Variants in CDK5RAP3 observed in about 807,000 individuals in gnomAD.
The protein encoded by CDK5RAP3 is CDK5 regulatory subunit associated protein 3.
Under a neutral mutation model 73.3 loss-of-function variants are expected in CDK5RAP3, and 58 were observed. The ratio of observed to expected loss-of-function variants is 0.79; its 90% confidence interval spans 0.64 to 0.98. The LOEUF is 0.98. Ranked by LOEUF, CDK5RAP3 falls within the 50% of genes least tolerant of loss-of-function variation. CDK5RAP3 has a pLI of 0.00. For synonymous variants in CDK5RAP3, 224 were observed against 247.5 expected (o/e 0.91, Z 0.89); for missense variants, 525 against 615.8 (o/e 0.85, Z 1.56).
rs375039682 is a variant in CDK5RAP3 at position 47,976,007 on chromosome 17, A to G, written c.792A>G (p.Glu264=). 3 of 1,613,854 alleles carry G rather than the reference A, an allele frequency of 1.9e-6. No homozygotes were observed. The highest frequency in any genetic ancestry group is 1.3e-5 in the African/African-American group (1 of 75,048). ...HLEELPEQVA[E]DAIDWGDFGV... is the part of the protein sequence containing the mutation. ...AGGAGCTTCCTGAGCAGGTGGCAGA[A>G]GATGCGGTAAGATGGGCCTTGTGAT... The change falls in exon 8 of 14, where the codon GAA becomes GAG. Residue 264 remains glutamate (E), a synonymous_variant. Coordinates refer to ENST00000338399, the MANE Select transcript of CDK5RAP3 (RefSeq NM_176096.3).
intron 10 of CDK5RAP3, 96 bp from the exon 11 acceptor site, chr17:47,978,733 C>A: frequency 1.1e-6 from 1 of 911,650 alleles, no homozygotes; most frequent in Non-Finnish European, 1.8e-6. Context: ...CACAGTGAGT[C>A]TGTCCGTATT....
chr17:47,977,042 C>T (rs568360281), intron 9 of CDK5RAP3, among the ~76,000 whole-genome samples: 137 of 150,688 alleles, frequency 9.1e-4, no homozygotes, highest in Non-Finnish European at 1.5e-3. Flanking sequence ...GGTGCAATCT[C>T]GGCTCACTGC....
In CDK5RAP3 at chr17:47,980,864, C is replaced by T; in HGVS notation, c.1283+66C>T. 2.0e-6 allele frequency: 3 copies of T among 1,505,226 alleles called. No individual in the cohort carries two copies. In the East Asian group the frequency reaches 6.8e-5, roughly 34 times the overall value. 93.2% of individuals were successfully genotyped at this position (1,505,226 alleles called of 1,614,324 possible). A position where few individuals can be genotyped will look rare whatever the true frequency, so the allele number is the denominator to read the frequency against. On this transcript the variant is annotated intron_variant, in intron 12 of 13. Transcript: ENST00000338399. ...AGCTCTGCCTCCTTGTATTCCTCCT[C>T]TTGTTCCATGACCCCTTAAACCCCA...
intron 8 of CDK5RAP3, 167 bp from the exon 9 acceptor site, chr17:47,976,545 G>T: frequency 1.9e-6 from 1 of 527,566 alleles, no homozygotes; most frequent in East Asian, 3.5e-5. Flanking sequence ...TAACATCTTT[G>T]TAGGGACAGG....
upstream of CDK5RAP3, chr17:47,971,088 G>T (rs2036248192): frequency 6.4e-7 from 1 of 1,551,594 alleles, no homozygotes; most frequent in Non-Finnish European, 8.7e-7. Context: ...AACGCCACTG[G>T]ATTGGTGGTA....
upstream of CDK5RAP3, chr17:47,970,562 A>C (rs2036236690): frequency 9.4e-7 from 1 of 1,059,130 alleles, no homozygotes; most frequent in Non-Finnish European, 1.4e-6. Context: ...GGGACGTCTC[A>C]CCGACTCTCT....
Position 47,976,722 on chromosome 17 carries a change from G to C in CDK5RAP3, c.809G>C (p.Gly270Ala), listed in dbSNP as rs780936340. ...EQVAEDAIDW[G>A]DFGVEAVSEG... ...TCTTTCCCTTTCCAGATTGACTGGG[G>C]CGACTTTGGGGTAGAGGCAGTGTCT... The change falls in exon 9 of 14, where the codon GGC (glycine) becomes GCC (alanine). Residue 270 changes from glycine to alanine, a missense_variant. By Grantham distance (60) the Gly-to-Ala change is moderately conservative. Transcript: ENST00000338399. 1 of 1,610,750 alleles carries C rather than the reference G, an allele frequency of 6.2e-7. No homozygotes were observed. The highest frequency in any genetic ancestry group is 1.7e-5 in the Admixed American group (1 of 59,958).
intron 3 of CDK5RAP3, 33 bp downstream of exon 3, chr17:47,973,683 T>C: frequency 6.2e-7 from 1 of 1,611,226 alleles, no homozygotes; most frequent in Non-Finnish European, 8.5e-7. Flanking sequence ...TGGAGTCCCC[T>C]CTTTGCTGAG....
chr17:47,968,824 GT>G (rs1171264568), upstream of CDK5RAP3, among the ~76,000 whole-genome samples: 1 of 151,702 alleles, frequency 6.6e-6, no homozygotes, highest in Non-Finnish European at 1.5e-5. Context: ...CGTGTTTTTT[GT>G]TTTTTTCAGA....
chr17:47,970,773 T>A, upstream of CDK5RAP3: 1 of 1,498,076 alleles, frequency 6.7e-7, no homozygotes, highest in African/African-American at 1.4e-5. Flanking sequence ...CCAGCAGACG[T>A]CTCAATCTGC....
chr17:47,970,860 G>A (rs2036242066), upstream of CDK5RAP3: 5 of 1,416,600 alleles, frequency 3.5e-6, no homozygotes, highest in Admixed American at 1.1e-4. Context: ...GCAATCCCAC[G>A]GCCGCTGCAG....
chr17:47,973,503 G>T lies in CDK5RAP3; in HGVS notation c.53-16G>T, dbSNP rs201100646. On this transcript the variant is annotated splice_polypyrimidine_tract_variant and intron_variant, in intron 2 of 13. Transcript: ENST00000338399. Reference sequence around the variant, plus strand: ...ATGTGAATGGGAATGCTCTAATTTGGGTGCTTCTCATGTAGATTGGCTGGT... The same window carrying T: ...ATGTGAATGGGAATGCTCTAATTTGTGTGCTTCTCATGTAGATTGGCTGGT... 154 of 1,610,810 alleles carry T rather than the reference G, an allele frequency of 9.6e-5. No homozygotes were observed. In the African/African-American group the frequency reaches 1.9e-3, roughly 20 times the overall value.
Position 47,981,451 on chromosome 17 carries a change from C to G in CDK5RAP3, c.1470C>G (p.Ile490Met). 2 of 1,614,248 alleles carry G rather than the reference C, an allele frequency of 1.2e-6. No individual in the cohort carries two copies. The highest frequency in any genetic ancestry group is 1.7e-6 in the Non-Finnish European group (2 of 1,180,050). The change falls in exon 14 of 14, where the codon ATC becomes ATG. Residue 490 changes from isoleucine to methionine, a missense_variant. Physicochemically the swap from Ile to Met is conservative, Grantham distance 10 (BLOSUM62 1). Transcript: ENST00000338399. ...KELQKLIEAD[I>M]SKRYSGRPVN... is the part of the protein sequence containing the mutation. ...CACTCTTTCAGATTGAAGCTGACAT[C>G]TCCAAGAGGTACAGCGGGCGCCCTG...
intron 10 of CDK5RAP3, chr17:47,978,411 C>T (rs1434259661): frequency 1.2e-5 from 2 of 169,420 alleles, no homozygotes; most frequent in African/African-American, 4.8e-5. Flanking sequence ...AAACTCTCAA[C>T]TTTTTAGAGA....
At chr17:47,972,845 A>T (rs2036302015) in intron 2 of CDK5RAP3, among the ~76,000 whole-genome samples, 1 of 152,188 alleles carries the variant, frequency 6.6e-6, no homozygotes, top group South Asian at 2.1e-4. Context: ...GAGGCACAGA[A>T]TAGTAGACTT....
chr17:47,980,884 A>C (rs1598232283), intron 12 of CDK5RAP3, 86 bp downstream of exon 12: 1 of 1,371,368 alleles, frequency 7.3e-7, no homozygotes, highest in Admixed American at 1.7e-5. Flanking sequence ...GACCCCTTAA[A>C]CCCCATCCCT....
At position 47,973,933 on chromosome 17, in the gene CDK5RAP3, A is replaced by C; in HGVS notation, c.187A>C (p.Ile63Leu). 6.2e-7 allele frequency: 1 copy of C among 1,611,588 alleles called. No homozygotes were observed. Among genetic ancestry groups the C allele is most frequent in the Non-Finnish European group, 8.5e-7 (1 of 1,177,612 alleles). ...EIAQLLSGSY[I>L]HYFHCLRILD... ...AAATCCCGTCTCTTGCTTTCTAGAC[A>C]TTCACTACTTTCACTGCCTAAGAAT... Residue 63 changes from isoleucine (I) to leucine (L), a missense_variant and splice_region_variant, in exon 4 of 14, where the codon ATT becomes CTT. Transcript: ENST00000338399.
chr17:47,970,573 TC>T, upstream of CDK5RAP3: 1 of 1,195,476 alleles, frequency 8.4e-7, no homozygotes, highest in South Asian at 1.3e-5. Flanking sequence ...CCGACTCTCT[TC>T]CTTCCCCTTC....
chr17:47,980,983 C>T, intron 12 of CDK5RAP3, 180 bp from the exon 13 acceptor site: 1 of 855,246 alleles, frequency 1.2e-6, no homozygotes, highest in Non-Finnish European at 1.8e-6. Flanking sequence ...AATCTGCTTG[C>T]TTCCTGAGTA....
Sources: gnomAD v4.1 joint callset for allele counts (sites outside exome capture counted in the v4.1 genomes callset) on GRCh38, gnomAD v4.1.1 for gene constraint, MANE v1.5 for transcripts, NCBI Gene and HGNC (gene_info 2026-07-23, HGNC 2026-07-21) for gene names.